Variants in FAM120A observed in about 807,000 individuals in gnomAD.
FAM120A encodes the protein family with sequence similarity 120 member A.
FAM120A carries 15 observed loss-of-function variants against 109.7 expected under a neutral mutation model. That is an observed-to-expected ratio of 0.14 (90% confidence interval 0.09 to 0.21). The LOEUF (loss-of-function observed/expected upper bound fraction) is 0.21. Ranked by LOEUF, FAM120A falls within the 10% of genes least tolerant of loss-of-function variation. The pLI is 1.00. For synonymous variants in FAM120A, 493 were observed against 572.8 expected (o/e 0.86, Z 1.99); for missense variants, 899 against 1,439.3 (o/e 0.62, Z 6.07).
intron 7 of FAM120A, among the ~76,000 whole-genome samples, chr9:93,518,023 G>T (rs1478226466): frequency 2.0e-5 from 3 of 152,180 alleles, no homozygotes; most frequent in African/African-American, 7.2e-5. Context: ...GTTTTCTGGA[G>T]ATGCATCTTG....
chr9:93,489,248 G>A (rs1052750612), intron 3 of FAM120A, among the ~76,000 whole-genome samples: 6 of 152,202 alleles, frequency 3.9e-5, no homozygotes, highest in African/African-American at 1.4e-4. Flanking sequence ...TACTTAGTAA[G>A]CTCCTCTATA....
intron 5 of FAM120A, among the ~76,000 whole-genome samples, chr9:93,502,790 G>A (rs963933799): frequency 6.6e-6 from 1 of 152,116 alleles, no homozygotes; most frequent in African/African-American, 2.4e-5. Flanking sequence ...AGCTCTCCAC[G>A]AAATCACCAA....
intron 9 of FAM120A, chr9:93,531,193 T>A (rs1200367245): frequency 1.3e-5 from 2 of 152,072 alleles, no homozygotes; most frequent in African/African-American, 4.8e-5. Context: ...TAGATGAGAG[T>A]GTTAGAACAC....
intron 4 of FAM120A, 121 bp downstream of exon 4, chr9:93,497,720 G>A (rs1564327943): frequency 8.1e-7 from 1 of 1,240,820 alleles, no homozygotes; most frequent in East Asian, 2.7e-5. Context: ...GGGTCTGAGA[G>A]CTCTTGCTCA....
intron 13 of FAM120A, among the ~76,000 whole-genome samples, chr9:93,557,606 C>T (rs1048237730): frequency 3.3e-5 from 5 of 152,184 alleles, no homozygotes; most frequent in African/African-American, 9.7e-5. Flanking sequence ...AAATCTTTGC[C>T]GTGTTCTGCA....
At chr9:93,493,748 G>A (rs1859443053) in intron 3 of FAM120A, among the ~76,000 whole-genome samples, 1 of 152,194 alleles carries the variant, frequency 6.6e-6, no homozygotes, top group Admixed American at 6.5e-5. Flanking sequence ...GTGTCCTCCT[G>A]GGGGCTTTCA....
chr9:93,507,158 C>CT (rs1564333368), intron 5 of FAM120A, among the ~76,000 whole-genome samples: 1 of 152,100 alleles, frequency 6.6e-6, no homozygotes, highest in Non-Finnish European at 1.5e-5. Flanking sequence ...GTGGGAAACT[C>CT]TTTCAGTATT....
At chr9:93,497,982 G>C (rs923740480) in intron 4 of FAM120A, among the ~76,000 whole-genome samples, 2 of 152,218 alleles carry the variant, frequency 1.3e-5, no homozygotes, top group Non-Finnish European at 2.9e-5. Context: ...TCTCTGATTT[G>C]TCTGTTTTCT....
In FAM120A at chr9:93,451,842, C is replaced by T. The variant is rs1230326831; in HGVS notation, c.-74C>T. ...CGCCGCCCCCGCCCGCCAGCCCGCCCGCGCGCCACGGCCCCACCACCCCCG... is the reference window on the plus strand; with the variant it reads ...CGCCGCCCCCGCCCGCCAGCCCGCCTGCGCGCCACGGCCCCACCACCCCCG... On this transcript the variant is annotated 5_prime_UTR_variant, in exon 1 of 18. Transcript: ENST00000277165. 1 of 968,480 alleles carries T rather than the reference C, an allele frequency of 1.0e-6. No homozygotes were observed. Among genetic ancestry groups the T allele is most frequent in the Non-Finnish European group, 1.2e-6 (1 of 817,524 alleles). The allele number at this position is 968,480 out of a possible 1,614,324, so 60.0% of individuals were successfully genotyped here.
At chr9:93,527,819 C>T (rs565130933) in intron 8 of FAM120A, among the ~76,000 whole-genome samples, 26 of 151,738 alleles carry the variant, frequency 1.7e-4, no homozygotes, top group Non-Finnish European at 3.4e-4. Context: ...GACGGGGTGT[C>T]GCCATGATGG....
intron 3 of FAM120A, among the ~76,000 whole-genome samples, chr9:93,494,806 AGC>A (rs1325489943): frequency 6.6e-6 from 1 of 152,104 alleles, no homozygotes; most frequent in Non-Finnish European, 1.5e-5. Context: ...GGAACCCTCA[AGC>A]AGGGGGTTTG....
intron 5 of FAM120A, among the ~76,000 whole-genome samples, chr9:93,505,049 G>A (rs796538618): frequency 9.1e-6 from 1 of 110,112 alleles, no homozygotes; most frequent in African/African-American, 3.4e-5. Context: ...TTGTTCGCTT[G>A]TGTTTTTTTT....
chr9:93,466,943 C>T (rs553756184), intron 1 of FAM120A, among the ~76,000 whole-genome samples: 2 of 152,112 alleles, frequency 1.3e-5, no homozygotes, highest in Non-Finnish European at 1.5e-5. Flanking sequence ...TTACACAAGT[C>T]GAGTGCACTG....
At chr9:93,454,538 A>T (rs1464310349) in intron 1 of FAM120A, among the ~76,000 whole-genome samples, 1 of 152,122 alleles carries the variant, frequency 6.6e-6, no homozygotes, top group Non-Finnish European at 1.5e-5. Flanking sequence ...TATTTTCTAA[A>T]CTCAGCTTGA....
At chr9:93,558,440 G>A in intron 14 of FAM120A, 141 bp from the exon 15 acceptor site, 5 of 1,047,940 alleles carry the variant, frequency 4.8e-6, no homozygotes, top group Non-Finnish European at 6.9e-6. Flanking sequence ...ATGGGCACAG[G>A]ACAGTGAGGT....
At chr9:93,561,789 T>G (rs538675765) in intron 16 of FAM120A, among the ~76,000 whole-genome samples, 10 of 152,232 alleles carry the variant, frequency 6.6e-5, no homozygotes, top group Non-Finnish European at 1.3e-4. Context: ...ATTAAATAAT[T>G]AACCATACAA....
Position 93,529,381 on chromosome 9 carries a change from G to A in FAM120A, c.1535G>A (p.Gly512Glu), listed in dbSNP as rs1291676794. The change falls in exon 9 of 18, where the codon GGA becomes GAA. Residue 512 changes from glycine (G) to glutamate (E), a missense_variant. This residue lies in a region of FAM120A where 57 missense variants were observed against 52.9 expected (regional missense o/e 1.08). Transcript: ENST00000277165. ...KAEGSSTASS[G>E]SQLAEGKGSQ... is the part of the protein sequence containing the mutation. Reference sequence around the variant, plus strand: ...GAAGGCTCGTCCACTGCCTCTTCAGGAAGCCAACTAGCCGAAGGCAAGGGA... The same window carrying A: ...GAAGGCTCGTCCACTGCCTCTTCAGAAAGCCAACTAGCCGAAGGCAAGGGA... 1.2e-6 allele frequency: 2 copies of A among 1,611,226 alleles called. No individual in the cohort carries two copies.
intron 2 of FAM120A, among the ~76,000 whole-genome samples, chr9:93,474,989 C>T (rs1345557314): frequency 6.6e-6 from 1 of 152,160 alleles, no homozygotes; most frequent in Non-Finnish European, 1.5e-5. Flanking sequence ...CAGATTTGCT[C>T]ATTTGGACAT....
chr9:93,564,584 T>TCTG lies in FAM120A; in HGVS notation c.*44_*45insCTG. ...GTGAAGGATGCTGGAAGGGTAAGGA[T>TCTG]TTAGGAATATCTGGAGAGAAAGAGA... is the stretch of plus-strand genomic sequence containing the variant. On this transcript the variant is annotated 3_prime_UTR_variant, in exon 18 of 18. Transcript: ENST00000277165. The TCTG allele has an allele frequency of 6.7e-7, 1 of 1,492,442 alleles. No individual in the cohort carries two copies. Among genetic ancestry groups the TCTG allele is most frequent in the Non-Finnish European group, 9.1e-7 (1 of 1,095,292 alleles). The allele number at this position is 1,492,442 out of a possible 1,614,324, so 92.4% of individuals were successfully genotyped here. A position where few individuals can be genotyped will look rare whatever the true frequency, so the allele number is the denominator to read the frequency against.
Sources: gnomAD v4.1 joint callset for allele counts (sites outside exome capture counted in the v4.1 genomes callset) on GRCh38, gnomAD v4.1.1 for gene constraint, gnomAD v4.1.1 regional missense constraint, MANE v1.5 for transcripts, NCBI Gene and HGNC (gene_info 2026-07-23, HGNC 2026-07-21) for gene names.